Variants in OR52N4 observed in about 807,000 individuals in gnomAD.
The protein encoded by OR52N4 is olfactory receptor family 52 subfamily N member 4.
Under a neutral mutation model 15.0 loss-of-function variants are expected in OR52N4, and 15 were observed. The ratio of observed to expected loss-of-function variants is 1.00; its 90% confidence interval spans 0.67 to 1.54. The LOEUF (loss-of-function observed/expected upper bound fraction) is 1.54. Among genes scored for constraint, OR52N4 ranks in the 40% most tolerant of loss-of-function variants. The pLI is 0.00. For synonymous variants in OR52N4, 143 were observed against 143.7 expected, an observed-to-expected ratio of 1.00 and a Z score of 0.03; for missense variants, 421 against 394.0, an observed-to-expected ratio of 1.07 and a Z score of -0.58.
upstream of OR52N4, among the ~76,000 whole-genome samples, chr11:5,752,826 A>G (rs1368508943): frequency 6.6e-6 from 1 of 152,138 alleles, no homozygotes; most frequent in Non-Finnish European, 1.5e-5. Flanking sequence ...CACTTTTTAA[A>G]AAGATTTTTC....
chr11:5,737,162 A>C, the OR52N4 span: 1 of 1,614,020 alleles, frequency 6.2e-7, no homozygotes, highest in Non-Finnish European at 8.5e-7. Context: ...ATGGCTTGGA[A>C]TGGGGAGTGA....
chr11:5,753,167 G>A (rs1854224082), upstream of OR52N4, among the ~76,000 whole-genome samples: 1 of 152,004 alleles, frequency 6.6e-6, no homozygotes, highest in Admixed American at 6.6e-5. Flanking sequence ...TGGCAATGGT[G>A]GTCATGTGTA....
chr11:5,736,701 C>G, the OR52N4 span: 2 of 1,613,892 alleles, frequency 1.2e-6, no homozygotes, highest in African/African-American at 1.3e-5. Context: ...TGGCAGAACC[C>G]TTCTTTACAG....
chr11:5,736,005 G>C, the OR52N4 span: 1 of 156,936 alleles, frequency 6.4e-6, no homozygotes, highest in Non-Finnish European at 1.4e-5. Context: ...GGTTCTCTAA[G>C]ATTCAACTAT....
chr11:5,755,216 T>C lies in OR52N4; in HGVS notation c.476T>C (p.Ile159Thr). Reference sequence around the variant, plus strand: ...TTCCTGAGAGGGGTATTACTCATTATTCCCTTTACTTTCCTCACCAAGCTC... The same window carrying C: ...TTCCTGAGAGGGGTATTACTCATTACTCCCTTTACTTTCCTCACCAAGCTC... ...ATFLRGVLLI[I>T]PFTFLTKLLP... Residue 159 changes from isoleucine to threonine, a missense_variant, in exon 2 of 2, where the codon ATT (isoleucine) becomes ACT (threonine). Coordinates refer to ENST00000641350, the MANE Select transcript of OR52N4 (RefSeq NM_001005175.5). 1 of 1,614,042 alleles carries C rather than the reference T, an allele frequency of 6.2e-7. No homozygotes were observed. Among genetic ancestry groups the C allele is most frequent in the Non-Finnish European group, 8.5e-7 (1 of 1,179,952 alleles).
At chr11:5,749,117 A>T in the OR52N4 span, among the ~76,000 whole-genome samples, 1 of 132,734 alleles carries the variant, frequency 7.5e-6, no homozygotes, top group East Asian at 2.2e-4. Context: ...CTGTGGATAC[A>T]TATATTAATT....
the OR52N4 span, among the ~76,000 whole-genome samples, chr11:5,731,038 A>C: frequency 9.9e-4 from 150 of 152,266 alleles, no homozygotes; most frequent in Middle Eastern, 3.4e-3. Context: ...GGATGGTCAA[A>C]AGGTACAGCC....
the OR52N4 span, among the ~76,000 whole-genome samples, chr11:5,735,327 G>T: frequency 1.3e-5 from 2 of 152,024 alleles, no homozygotes; most frequent in East Asian, 1.9e-4. Context: ...AGTCATATCT[G>T]AGAGTGTTTT....
At position 5,754,937 on chromosome 11, in the gene OR52N4, C is replaced by T; in HGVS notation, c.197C>T (p.Ala66Val). ...CACAAACCCATGTACTACTTCTTGG[C>T]CATGCTTTCCTTTACTGACCTTGTT... ...ALHKPMYYFL[A>V]MLSFTDLVMC... The change falls in exon 2 of 2, where the codon GCC becomes GTC. Residue 66 changes from alanine to valine, a missense_variant. Transcript: ENST00000641350. The T allele has an allele frequency of 1.2e-6, 2 of 1,613,824 alleles. No individual in the cohort carries two copies. The highest frequency in any genetic ancestry group is 1.3e-5 in the African/African-American group (1 of 75,024).
rs752652854 is a variant in OR52N4 at position 5,755,724 on chromosome 11, G to T, written c.*18G>T. ...GCATGTGAATGAACACTTGCCAGGA[G>T]TGAGAAGAGAAGGAAAGAATTACTT... On this transcript the variant is annotated 3_prime_UTR_variant, in exon 2 of 2. Coordinates refer to ENST00000641350, the MANE Select transcript of OR52N4 (RefSeq NM_001005175.5). 1 of 1,600,918 alleles carries T rather than the reference G, an allele frequency of 6.2e-7. No individual in the cohort carries two copies. The highest frequency in any genetic ancestry group is 1.1e-5 in the South Asian group (1 of 89,222).
At position 5,755,579 on chromosome 11, in the gene OR52N4, C is replaced by A. The variant is rs760216833; in HGVS notation, c.839C>A (p.Ala280Asp). The change falls in exon 2 of 2, where the codon GCC becomes GAC. Residue 280 changes from alanine (A) to aspartate (D), a missense_variant. Physicochemically the swap from Ala to Asp is moderately radical, Grantham distance 126. Coordinates refer to ENST00000641350, the MANE Select transcript of OR52N4 (RefSeq NM_001005175.5). ...CCCCCTTCTTGCCACATCATTGTAGCCAATATTTATCTGCTCCTACCACCC... is the reference window on the plus strand; with the variant it reads ...CCCCCTTCTTGCCACATCATTGTAGACAATATTTATCTGCTCCTACCACCC... The part of the protein sequence containing the change: ...IIPPSCHIIV[A>D]NIYLLLPPTM... 9 of 1,613,750 alleles carry A rather than the reference C, an allele frequency of 5.6e-6. No individual in the cohort carries two copies. Among genetic ancestry groups the A allele is most frequent in the Non-Finnish European group, 5.9e-6 (7 of 1,179,836 alleles).
upstream of OR52N4, among the ~76,000 whole-genome samples, chr11:5,753,677 A>C (rs1566280): frequency 0.063 from 9,486 of 151,676 alleles, 373 homozygotes; most frequent in African/African-American, 0.094. Context: ...ATATTTTGAT[A>C]GAAGCATACA....
At chr11:5,729,116 T>TTC in the OR52N4 span, among the ~76,000 whole-genome samples, 4 of 82,402 alleles carry the variant, frequency 4.9e-5, no homozygotes, top group South Asian at 4.0e-4. Context: ...AAATTGAGAT[T>TTC]TTTTTTTTTT....
At chr11:5,736,493 G>A in the OR52N4 span, 4 of 1,608,702 alleles carry the variant, frequency 2.5e-6, no homozygotes, top group Admixed American at 3.3e-5. Flanking sequence ...AATACAAATA[G>A]AGATTTGAAA....
the OR52N4 span, among the ~76,000 whole-genome samples, chr11:5,732,451 T>G: frequency 6.6e-6 from 1 of 152,188 alleles, no homozygotes; most frequent in Admixed American, 6.5e-5. Flanking sequence ...ATTTGTAACC[T>G]CCAAGAGACT....
At chr11:5,747,606 C>T in the OR52N4 span, among the ~76,000 whole-genome samples, 2 of 151,696 alleles carry the variant, frequency 1.3e-5, no homozygotes, top group African/African-American at 4.8e-5. Flanking sequence ...AAAAGGAACA[C>T]AAAAAATCGG....
chr11:5,742,618 A>C, the OR52N4 span, among the ~76,000 whole-genome samples: 4 of 152,164 alleles, frequency 2.6e-5, no homozygotes, highest in African/African-American at 9.7e-5. Flanking sequence ...ACCAGCTAAA[A>C]ATTTTGTGTT....
At chr11:5,729,363 G>C in the OR52N4 span, among the ~76,000 whole-genome samples, 1 of 151,702 alleles carries the variant, frequency 6.6e-6, no homozygotes, top group East Asian at 1.9e-4. Flanking sequence ...CTTGTGATCC[G>C]CCTGCCTCAG....
chr11:5,748,609 G>T, the OR52N4 span, among the ~76,000 whole-genome samples: 3 of 151,794 alleles, frequency 2.0e-5, no homozygotes, highest in Admixed American at 6.6e-5. Context: ...GGCCATATTT[G>T]CATAGTTCCC....
Sources: gnomAD v4.1 joint callset for allele counts (sites outside exome capture counted in the v4.1 genomes callset) on GRCh38, gnomAD v4.1.1 for gene constraint, MANE v1.5 for transcripts, NCBI Gene and HGNC (gene_info 2026-07-23, HGNC 2026-07-21) for gene names.